The following SEZ6L variants were observed in gnomAD, a reference collection of about 807,000 sequenced individuals.
SEZ6L encodes the protein seizure 6-like protein.
SEZ6L carries 37 observed loss-of-function variants against 106.2 expected under a neutral mutation model. The ratio of observed to expected loss-of-function variants is 0.35; its 90% CI spans 0.27 to 0.46. SEZ6L has a LOEUF of 0.46. SEZ6L is among the 20% of genes least tolerant of loss of function. The pLI is 1.00. For missense variants in SEZ6L, 1,172 were observed against 1,332.8 expected (o/e 0.88, Z 1.88); for synonymous variants, 541 against 570.4 (o/e 0.95, Z 0.73).
At chr22:26,257,230 T>G (rs2079851740) in intron 1 of SEZ6L, among the ~76,000 whole-genome samples, 1 of 152,124 alleles carries the variant, frequency 6.6e-6, no homozygotes, top group Admixed American at 6.5e-5. Flanking sequence ...AACCCCAATC[T>G]AGGTAAATGC....
At chr22:26,311,040 A>G (rs1321586791) in intron 7 of SEZ6L, among the ~76,000 whole-genome samples, 1 of 152,256 alleles carries the variant, frequency 6.6e-6, no homozygotes, top group Non-Finnish European at 1.5e-5. Context: ...CTACGTGCTC[A>G]GTGCCTTCTG....
At chr22:26,242,426 G>A (rs866668992) in intron 1 of SEZ6L, among the ~76,000 whole-genome samples, 2 of 152,158 alleles carry the variant, frequency 1.3e-5, no homozygotes, top group Admixed American at 6.5e-5. Context: ...TTGGAAAATC[G>A]GGATAATGAT....
chr22:26,258,121 G>A (rs1235732626), intron 1 of SEZ6L, among the ~76,000 whole-genome samples: 3 of 152,150 alleles, frequency 2.0e-5, no homozygotes, highest in Non-Finnish European at 4.4e-5. Context: ...GCCCAGATCT[G>A]GGTGGAGAGC....
chr22:26,324,213 C>T (rs576062140), intron 9 of SEZ6L, among the ~76,000 whole-genome samples: 2 of 152,230 alleles, frequency 1.3e-5, no homozygotes, highest in South Asian at 4.2e-4. Flanking sequence ...CTCCCCGTTT[C>T]CTGGACATCT....
intron 9 of SEZ6L, among the ~76,000 whole-genome samples, chr22:26,325,710 G>T (rs2082284258): frequency 6.6e-6 from 1 of 151,940 alleles, no homozygotes; most frequent in Non-Finnish European, 1.5e-5. Flanking sequence ...CACTTCTCTG[G>T]ACCTCGGTTT....
At chr22:26,234,052 G>C (rs187416965) in intron 1 of SEZ6L, among the ~76,000 whole-genome samples, 28 of 152,178 alleles carry the variant, frequency 1.8e-4, no homozygotes, top group African/African-American at 6.5e-4. Flanking sequence ...TGCCAATGTA[G>C]GAGTTTGATT....
At chr22:26,171,347 G>C (rs940920186) in intron 1 of SEZ6L, among the ~76,000 whole-genome samples, 5 of 152,084 alleles carry the variant, frequency 3.3e-5, no homozygotes, top group African/African-American at 4.8e-5. Context: ...TGGCTTGGTG[G>C]CCTTGAACTG....
chr22:26,239,884 A>T (rs2079061313), intron 1 of SEZ6L, among the ~76,000 whole-genome samples: 1 of 150,658 alleles, frequency 6.6e-6, no homozygotes, highest in Non-Finnish European at 1.5e-5. Flanking sequence ...TCCCAACCCC[A>T]ATCCCCTCTG....
chr22:26,184,850 A>G (rs1260991979), intron 1 of SEZ6L, among the ~76,000 whole-genome samples: 5 of 152,100 alleles, frequency 3.3e-5, no homozygotes, highest in Admixed American at 3.3e-4. Context: ...GGAGGCTAAG[A>G]AGGCAGGTGG....
Position 26,222,449 on chromosome 22 carries a change from G to A in SEZ6L, c.94+52686G>A, listed in dbSNP as rs535632663. Among the ~76,000 whole-genome samples the A allele has an allele frequency of 1.1e-4, 16 of 152,346 alleles. No homozygotes were observed. The South Asian group carries it at 2.9e-3, about 28-fold the overall frequency. On this transcript the variant is annotated intron_variant, in intron 1 of 16. Transcript: ENST00000248933. ...GCATCACCCACCTTTTTCTCTGGAA[G>A]GAGTTATTGCTGCCTCTGCAAGGGG...
intron 10 of SEZ6L, among the ~76,000 whole-genome samples, chr22:26,341,386 T>C (rs1295317481): frequency 6.6e-6 from 1 of 152,112 alleles, no homozygotes; most frequent in African/African-American, 2.4e-5. Context: ...TAACTCTCCC[T>C]CATTCATTAC....
At chr22:26,357,338 A>C (rs1372759491) in intron 12 of SEZ6L, among the ~76,000 whole-genome samples, 1 of 152,148 alleles carries the variant, frequency 6.6e-6, no homozygotes, top group Non-Finnish European at 1.5e-5. Flanking sequence ...CCCTGGCACT[A>C]GCCCCTGGAA....
chr22:26,313,409 T>C (rs1365072763), intron 8 of SEZ6L, among the ~76,000 whole-genome samples: 2 of 152,078 alleles, frequency 1.3e-5, no homozygotes, highest in African/African-American at 4.8e-5. Flanking sequence ...GTGGGCGGTC[T>C]CTTAGCCACT....
At chr22:26,290,840 C>A (rs2081086761) in intron 1 of SEZ6L, among the ~76,000 whole-genome samples, 1 of 152,226 alleles carries the variant, frequency 6.6e-6, no homozygotes, top group Non-Finnish European at 1.5e-5. Flanking sequence ...TCCAAGCCTC[C>A]ATGGGTCTTC....
At chr22:26,215,805 A>T (rs1259286685) in intron 1 of SEZ6L, among the ~76,000 whole-genome samples, 2 of 152,190 alleles carry the variant, frequency 1.3e-5, no homozygotes, top group Non-Finnish European at 2.9e-5. Flanking sequence ...CTCTGGGAAG[A>T]AGGGCCATTC....
At chr22:26,271,888 G>A (rs2080381730) in intron 1 of SEZ6L, among the ~76,000 whole-genome samples, 2 of 152,246 alleles carry the variant, frequency 1.3e-5, no homozygotes, top group Non-Finnish European at 2.9e-5. Flanking sequence ...AATAATAACT[G>A]TGAAGCAACT....
At chr22:26,357,004 T>C (rs2083458602) in intron 12 of SEZ6L, among the ~76,000 whole-genome samples, 1 of 151,380 alleles carries the variant, frequency 6.6e-6, no homozygotes, top group Admixed American at 6.6e-5. Flanking sequence ...CAGGCCGATG[T>C]GCAGTGGCGC....
At chr22:26,374,803 C>T (rs1406386911) in intron 14 of SEZ6L, among the ~76,000 whole-genome samples, 1 of 152,230 alleles carries the variant, frequency 6.6e-6, no homozygotes, top group African/African-American at 2.4e-5. Context: ...GAAAGCAGCC[C>T]TCTGCCCCAG....
chr22:26,347,362 G>A (rs180814577), intron 10 of SEZ6L, among the ~76,000 whole-genome samples: 835 of 152,266 alleles, frequency 5.5e-3, no homozygotes, highest in Non-Finnish European at 7.9e-3. Context: ...AGTGAGACAG[G>A]TGCCGTTGTA....
Sources: allele counts gnomAD v4.1 joint callset (sites outside exome capture counted in the v4.1 genomes callset), GRCh38; gene constraint gnomAD v4.1.1; transcripts MANE v1.5; gene names NCBI Gene and HGNC (gene_info 2026-07-23, HGNC 2026-07-21).